The following SLC6A13 variants were observed in gnomAD, a reference collection of about 807,000 sequenced individuals.
SLC6A13 encodes the protein solute carrier family 6 member 13.
Under a neutral mutation model 72.9 loss-of-function variants are expected in SLC6A13, and 69 were observed. That is an observed-to-expected ratio of 0.95 (90% CI 0.78 to 1.16). SLC6A13 has a LOEUF of 1.16. Among genes scored for constraint, SLC6A13 ranks in the 50% most tolerant of loss-of-function variants. The pLI is 0.00. For missense variants in SLC6A13, 735 were observed against 760.5 expected, an observed-to-expected ratio of 0.97 and a Z score of 0.39; for synonymous variants, 303 against 303.0, an observed-to-expected ratio of 1.00 and a Z score of 0.00.
intron 12 of SLC6A13, 155 bp downstream of exon 12, chr12:222,977 G>T (rs1941278772): frequency 3.3e-6 from 2 of 605,058 alleles, no homozygotes; most frequent in Admixed American, 3.0e-5. Context: ...GCCTTCCAAA[G>T]GTAGCAATTT....
chr12:253,008 G>T (rs1246354631), intron 2 of SLC6A13, among the ~76,000 whole-genome samples: 1 of 152,218 alleles, frequency 6.6e-6, no homozygotes, highest in Admixed American at 6.5e-5. Flanking sequence ...AGGGCATTCT[G>T]CCTCTTCCCC....
chr12:231,408 G>A (rs1320971366), intron 7 of SLC6A13, among the ~76,000 whole-genome samples: 2 of 152,204 alleles, frequency 1.3e-5, no homozygotes, highest in East Asian at 1.9e-4. Flanking sequence ...AGTGCCAGGC[G>A]AATGCCAGTT....
intron 12 of SLC6A13, among the ~76,000 whole-genome samples, 184 bp downstream of exon 12, chr12:222,948 G>T (rs1230572827): frequency 6.6e-6 from 1 of 152,040 alleles, no homozygotes; most frequent in African/African-American, 2.4e-5. Context: ...AAGACTGTGG[G>T]CAAGGCAGCT....
At position 221,373 on chromosome 12, in the gene SLC6A13, T is replaced by C. The variant is rs1312318562; in HGVS notation, c.1686+3A>G. ...GCTGCTTTCCTGCCCGCAAAGGCCCTACCTCTCTGAAGGGGCCCTTGAGGG... is the reference window on the plus strand; with the variant it reads ...GCTGCTTTCCTGCCCGCAAAGGCCCCACCTCTCTGAAGGGGCCCTTGAGGG... On this transcript the variant is annotated splice_donor_region_variant and intron_variant, in intron 14 of 14. Coordinates refer to ENST00000343164, the MANE Select transcript of SLC6A13 (RefSeq NM_016615.5). The C allele has an allele frequency of 1.3e-6, 2 of 1,587,818 alleles. No individual in the cohort carries two copies. Among genetic ancestry groups the C allele is most frequent in the Non-Finnish European group, 1.7e-6 (2 of 1,167,112 alleles).
intron 7 of SLC6A13, among the ~76,000 whole-genome samples, chr12:233,393 G>A (rs979995322): frequency 6.6e-6 from 1 of 152,180 alleles, no homozygotes; most frequent in Admixed American, 6.5e-5. Flanking sequence ...ACCCCCTTCA[G>A]GCAGCAGGCA....
At chr12:229,312 A>G (rs567374928) in intron 7 of SLC6A13, among the ~76,000 whole-genome samples, 1 of 152,342 alleles carries the variant, frequency 6.6e-6, no homozygotes, top group East Asian at 1.9e-4. Flanking sequence ...TTTCAGTGTG[A>G]TGCCACACCA....
intron 2 of SLC6A13, among the ~76,000 whole-genome samples, chr12:258,803 G>A (rs1404171932): frequency 6.6e-6 from 1 of 152,212 alleles, no homozygotes; most frequent in Non-Finnish European, 1.5e-5. Context: ...TGATGACACA[G>A]TAAAGAGCTG....
chr12:238,317 T>A, intron 4 of SLC6A13: 1 of 1,369,028 alleles, frequency 7.3e-7, no homozygotes, highest in Non-Finnish European at 9.6e-7. Context: ...AACATTTCTA[T>A]GTAAGCGTCC....
chr12:255,569 G>A (rs924176123), intron 2 of SLC6A13, among the ~76,000 whole-genome samples: 21 of 152,204 alleles, frequency 1.4e-4, no homozygotes, highest in Admixed American at 3.3e-4. Flanking sequence ...GTTGGCGCGC[G>A]CCTGTAGTCC....
At chr12:233,326 G>T (rs772387324) in intron 7 of SLC6A13, among the ~76,000 whole-genome samples, 1 of 152,226 alleles carries the variant, frequency 6.6e-6, no homozygotes, top group Non-Finnish European at 1.5e-5. Context: ...TGCCAAAGAG[G>T]GGAAGGTAAG....
At position 244,588 on chromosome 12, in the gene SLC6A13, G is replaced by C. The variant is rs150764954; in HGVS notation, c.203-775C>G. 2.5e-3 allele frequency among the ~76,000 whole-genome samples: 380 copies of C among 152,236 alleles called. 7 individuals carry two copies. The East Asian group carries it at 0.059, about 23-fold the overall frequency. ...GCCTGTAATCCTAGCTACTCGGGAG[G>C]CTGAGGTGGGAGGATTGATTAAACC... On this transcript the variant is annotated intron_variant, in intron 2 of 14. Coordinates refer to ENST00000343164, the MANE Select transcript of SLC6A13 (RefSeq NM_016615.5).
rs1187039322 is a variant in SLC6A13, at chr12:221,550, A to AG, written c.1516-5dup. ...TCAGGGAGAAGAGAAAGGTGGCCTG[A>AG]GGGGGAGAGCAGAAGAGAAAGGGGT... is the stretch of plus-strand genomic sequence containing the variant. On this transcript the variant is annotated splice_polypyrimidine_tract_variant and splice_region_variant and intron_variant, in intron 13 of 14. Transcript: ENST00000343164. 1 of 1,352,060 alleles carries AG rather than the reference A, an allele frequency of 7.4e-7. No homozygotes were observed. Among genetic ancestry groups the AG allele is most frequent in the Non-Finnish European group, 1.0e-6 (1 of 997,404 alleles). The allele number at this position is 1,352,060 out of a possible 1,614,324, so 83.8% of individuals were successfully genotyped here.
At chr12:261,644 A>G (rs888626608) in intron 1 of SLC6A13, among the ~76,000 whole-genome samples, 25 of 152,230 alleles carry the variant, frequency 1.6e-4, no homozygotes, top group African/African-American at 5.5e-4. Context: ...GTCAGTGAAC[A>G]GGCCGGGTGC....
At position 250,406 on chromosome 12, in the gene SLC6A13, A is replaced by G. The variant is rs577173188; in HGVS notation, c.203-6593T>C. Among the ~76,000 whole-genome samples the G allele has an allele frequency of 1.5e-4, 23 of 152,282 alleles. 1 individual carries two copies. In the South Asian group the frequency reaches 4.6e-3, roughly 30 times the overall value. On this transcript the variant is annotated intron_variant, in intron 2 of 14. Coordinates refer to ENST00000343164, the MANE Select transcript of SLC6A13 (RefSeq NM_016615.5). ...TGAAAATCCTTTGGAATGCACACAA[A>G]AAAAAACCTATTAGAACCAATCAGT...
chr12:224,323 C>T, intron 10 of SLC6A13, 78 bp downstream of exon 10: 1 of 1,373,582 alleles, frequency 7.3e-7, no homozygotes, highest in Non-Finnish European at 1.0e-6. Flanking sequence ...CCACTTCTGA[C>T]ATTCACCCAT....
chr12:239,619 T>C (rs11062102), intron 4 of SLC6A13, among the ~76,000 whole-genome samples: 86,992 of 152,158 alleles, frequency 0.57, 25,939 homozygotes, highest in Non-Finnish European at 0.66. Context: ...AGACACTTCT[T>C]ATTCACTTGT....
At chr12:240,088 G>A (rs554159227) in intron 4 of SLC6A13, among the ~76,000 whole-genome samples, 40 of 152,190 alleles carry the variant, frequency 2.6e-4, no homozygotes, top group African/African-American at 9.6e-4. Flanking sequence ...ACTGAGATCT[G>A]GATAAAATCT....
At chr12:248,830 A>C (rs904875274) in intron 2 of SLC6A13, among the ~76,000 whole-genome samples, 1 of 152,230 alleles carries the variant, frequency 6.6e-6, no homozygotes, top group African/African-American at 2.4e-5. Flanking sequence ...CAACAGCAGA[A>C]TATGCATTAG....
chr12:247,065 T>A (rs541182), intron 2 of SLC6A13, among the ~76,000 whole-genome samples: 40,853 of 149,496 alleles, frequency 0.27, 5,809 homozygotes, highest in East Asian at 0.46. Context: ...AGAAATTTTT[T>A]AAAAAGAACA....
Sources: gnomAD v4.1 joint callset for allele counts (sites outside exome capture counted in the v4.1 genomes callset) on GRCh38, gnomAD v4.1.1 for gene constraint, MANE v1.5 for transcripts, NCBI Gene and HGNC (gene_info 2026-07-23, HGNC 2026-07-21) for gene names.